Variants in MBNL2 observed in about 807,000 individuals in gnomAD.
The protein encoded by MBNL2 is muscleblind-like protein 2.
Under a neutral mutation model 41.9 loss-of-function variants are expected in MBNL2, and 17 were observed. The ratio of observed to expected loss-of-function variants is 0.41; its 90% CI spans 0.28 to 0.61. MBNL2 has a LOEUF of 0.61. Among genes scored for constraint, MBNL2 ranks in the 20% least tolerant of loss-of-function variants. The probability of loss-of-function intolerance (pLI) is 0.35; values close to 1 mark genes in which losing one functional copy is unlikely to be tolerated. For missense variants in MBNL2, 336 were observed against 505.6 expected (o/e 0.66, Z 3.22); for synonymous variants, 195 against 182.9 (o/e 1.07, Z -0.53).
At chr13:97,337,309 GT>G in intron 3 of MBNL2, among the ~76,000 whole-genome samples, 1 of 152,188 alleles carries the variant, frequency 6.6e-6, no homozygotes, top group Non-Finnish European at 1.5e-5. Context: ...CAATTCAGTT[GT>G]TTGTAAGCCA....
At chr13:97,209,290 C>A in the MBNL2 span, among the ~76,000 whole-genome samples, 1 of 152,278 alleles carries the variant, frequency 6.6e-6, no homozygotes, top group African/African-American at 2.4e-5. Context: ...GAGTACGAAT[C>A]TTTGCTCCAC....
chr13:97,359,272 T>TA (rs113380350), intron 7 of MBNL2, among the ~76,000 whole-genome samples: 6,412 of 138,646 alleles, frequency 0.046, 156 homozygotes, highest in Non-Finnish European at 0.054. Context: ...TATTTTAAGA[T>TA]AAAAAAAAAA....
intron 1 of MBNL2, among the ~76,000 whole-genome samples, chr13:97,233,601 T>C (rs1214084546): frequency 6.6e-6 from 1 of 151,692 alleles, no homozygotes; most frequent in Admixed American, 6.6e-5. Context: ...GCCTCAAGTA[T>C]CAGCCTCCTG....
chr13:97,235,169 T>C (rs562616616), intron 1 of MBNL2, among the ~76,000 whole-genome samples: 2 of 152,286 alleles, frequency 1.3e-5, no homozygotes. Context: ...TGAGTTGATA[T>C]TTAACGTAGA....
At chr13:97,183,628 C>A in the MBNL2 span, among the ~76,000 whole-genome samples, 2 of 152,196 alleles carry the variant, frequency 1.3e-5, no homozygotes, top group Non-Finnish European at 2.9e-5. Context: ...TTTACGCCCA[C>A]AGTTGGGTAC....
At chr13:97,389,045 G>T (rs1382879719) in intron 8 of MBNL2, among the ~76,000 whole-genome samples, 1 of 152,202 alleles carries the variant, frequency 6.6e-6, no homozygotes, top group Non-Finnish European at 1.5e-5. Flanking sequence ...ACAGCTGAGA[G>T]TTCAATAGTC....
chr13:97,324,449 G>T (rs2059753992), intron 2 of MBNL2, among the ~76,000 whole-genome samples: 1 of 152,104 alleles, frequency 6.6e-6, no homozygotes, highest in Non-Finnish European at 1.5e-5. Context: ...AGATAAAAAT[G>T]TTTCATGGGA....
the MBNL2 span, among the ~76,000 whole-genome samples, chr13:97,199,017 C>A: frequency 3.3e-5 from 5 of 152,174 alleles, no homozygotes; most frequent in Non-Finnish European, 7.3e-5. Context: ...ATCTTACAAA[C>A]TGCTTGTGGA....
At chr13:97,379,466 T>C (rs1382349181) in intron 8 of MBNL2, among the ~76,000 whole-genome samples, 2 of 152,162 alleles carry the variant, frequency 1.3e-5, no homozygotes, top group Non-Finnish European at 2.9e-5. Flanking sequence ...CACTTTCAAA[T>C]TGATCTCAGG....
At chr13:97,326,591 A>T (rs1409418816) in intron 2 of MBNL2, among the ~76,000 whole-genome samples, 2 of 152,224 alleles carry the variant, frequency 1.3e-5, no homozygotes, top group African/African-American at 4.8e-5. Context: ...GTTGATAGAC[A>T]TTCTGGTTAT....
rs2066442049 is a variant in MBNL2 at position 97,393,543 on chromosome 13, A to G, written c.*2094A>G. The G allele has an allele frequency of 6.6e-6, 1 of 152,530 alleles. No homozygotes were observed. Among genetic ancestry groups the G allele is most frequent in the South Asian group, 2.1e-4 (1 of 4,828 alleles). The allele number at this position is 152,530 out of a possible 1,614,324, so 9.4% of individuals were successfully genotyped here. Reference sequence around the variant, plus strand: ...TTTTACTATGATATCCATTTTCCAGAATTGTGATTACAATATGCAAAGAGT... The same window carrying G: ...TTTTACTATGATATCCATTTTCCAGGATTGTGATTACAATATGCAAAGAGT... On this transcript the variant is annotated 3_prime_UTR_variant, in exon 9 of 9. Transcript: ENST00000679496.
At chr13:97,159,463 C>G in the MBNL2 span, among the ~76,000 whole-genome samples, 24 of 151,318 alleles carry the variant, frequency 1.6e-4, no homozygotes, top group Admixed American at 1.6e-3. Flanking sequence ...TTATTTTGCT[C>G]GTTCGTTGAT....
At chr13:97,163,593 G>A in the MBNL2 span, among the ~76,000 whole-genome samples, 1 of 152,196 alleles carries the variant, frequency 6.6e-6, no homozygotes, top group East Asian at 1.9e-4. Flanking sequence ...GAGAAGAATT[G>A]CAGCATCAAG....
intron 8 of MBNL2, among the ~76,000 whole-genome samples, chr13:97,368,987 A>G (rs780904263): frequency 2.5e-4 from 37 of 146,888 alleles, no homozygotes; most frequent in Non-Finnish European, 5.0e-4. Flanking sequence ...TTGCTGCTGG[A>G]TTGCACTTAA....
the MBNL2 span, among the ~76,000 whole-genome samples, chr13:97,187,650 G>T: frequency 2.2e-5 from 3 of 139,030 alleles, no homozygotes; most frequent in South Asian, 7.0e-4. Context: ...GCTCACGCCT[G>T]TAATCCCAGC....
chr13:97,218,435 C>CAAAACAAAAA (rs1566346331), upstream of MBNL2, among the ~76,000 whole-genome samples: 1 of 67,576 alleles, frequency 1.5e-5, no homozygotes, highest in Non-Finnish European at 2.9e-5. Context: ...CAAAACAAAA[C>CAAAACAAAAA]AAAACAAAAA....
chr13:97,179,874 G>A, the MBNL2 span, among the ~76,000 whole-genome samples: 1 of 152,198 alleles, frequency 6.6e-6, no homozygotes, highest in African/African-American at 2.4e-5. Flanking sequence ...AGATGATGCT[G>A]GAAAGATGGG....
the MBNL2 span, among the ~76,000 whole-genome samples, chr13:97,154,326 G>T: frequency 1.6e-3 from 242 of 152,030 alleles, 1 homozygote; most frequent in African/African-American, 5.3e-3. Context: ...TTTGTTTTTT[G>T]TTTTGTGAGA....
chr13:97,246,732 A>T (rs1400175435), intron 1 of MBNL2, among the ~76,000 whole-genome samples: 3 of 152,238 alleles, frequency 2.0e-5, no homozygotes, highest in Non-Finnish European at 4.4e-5. Context: ...CTGTAAAGAA[A>T]AAAAGATGCA....
Sources: gnomAD v4.1 joint callset for allele counts (sites outside exome capture counted in the v4.1 genomes callset) on GRCh38, gnomAD v4.1.1 for gene constraint, MANE v1.5 for transcripts, NCBI Gene and HGNC (gene_info 2026-07-23, HGNC 2026-07-21) for gene names.